ZNF599: variants seen among roughly 807,000 people sequenced by gnomAD.
The protein encoded by ZNF599 is zinc finger protein 599.
A neutral mutation model predicts 11.7 loss-of-function variants in ZNF599; 10 were observed. That is an observed-to-expected ratio of 0.86 (90% CI 0.53 to 1.45). ZNF599 has a LOEUF of 1.45. Ranked by LOEUF, ZNF599 falls within the 40% of genes most tolerant of loss-of-function variation. The probability of loss-of-function intolerance (pLI) is 0.00; values close to 1 mark genes in which losing one functional copy is unlikely to be tolerated. For synonymous variants in ZNF599, 232 were observed against 253.2 expected (o/e 0.92, Z 0.79); for missense variants, 688 against 713.6 (o/e 0.96, Z 0.41).
chr19:34,800,480 T>C, the ZNF599 span, among the ~76,000 whole-genome samples: 1 of 152,178 alleles, frequency 6.6e-6, no homozygotes, highest in African/African-American at 2.4e-5. Flanking sequence ...TACTGACATA[T>C]CTTCAAGCTC....
At chr19:34,769,680 G>A (rs2069169604) in intron 1 of ZNF599, 125 bp from the exon 2 acceptor site, 2 of 1,209,524 alleles carry the variant, frequency 1.7e-6, no homozygotes, top group Non-Finnish European at 2.3e-6. Context: ...AGAACCACTG[G>A]GCTCTGTGGA....
rs1434739988 is a variant in ZNF599 at position 34,758,681 on chromosome 19, T to C, written c.*353A>G. Reference sequence around the variant, plus strand: ...AGATTGTTTCCTCCATCTCTCATTATTTTAAAATATGCTTGAGATGGATTT... The same window carrying C: ...AGATTGTTTCCTCCATCTCTCATTACTTTAAAATATGCTTGAGATGGATTT... On this transcript the variant is annotated 3_prime_UTR_variant, in exon 4 of 4. Coordinates refer to ENST00000329285, the MANE Select transcript of ZNF599 (RefSeq NM_001007248.3). The C allele has an allele frequency of 5.6e-6, 1 of 178,664 alleles. No individual in the cohort carries two copies. The highest frequency in any genetic ancestry group is 2.4e-5 in the African/African-American group (1 of 42,402). The allele number at this position is 178,664 out of a possible 1,614,324, so 11.1% of individuals were successfully genotyped here. A position where few individuals can be genotyped will look rare whatever the true frequency, so the allele number is the denominator to read the frequency against.
At chr19:34,800,026 G>A in the ZNF599 span, among the ~76,000 whole-genome samples, 13 of 152,258 alleles carry the variant, frequency 8.5e-5, 1 homozygote, top group South Asian at 1.7e-3. Context: ...TTATATTCCC[G>A]AATGACATAT....
At chr19:34,805,760 C>T in the ZNF599 span, among the ~76,000 whole-genome samples, 95 of 152,244 alleles carry the variant, frequency 6.2e-4, no homozygotes, top group African/African-American at 2.2e-3. Flanking sequence ...CTCCAGAAAC[C>T]ACCCAACTTC....
At chr19:34,782,792 C>T in the ZNF599 span, among the ~76,000 whole-genome samples, 1 of 152,140 alleles carries the variant, frequency 6.6e-6, no homozygotes, top group African/African-American at 2.4e-5. Context: ...ATGGTATAGG[C>T]GTCTCTGAGC....
At chr19:34,763,511 G>A (rs1446317357) in intron 3 of ZNF599, 6 of 152,086 alleles carry the variant, frequency 3.9e-5, no homozygotes, top group Non-Finnish European at 8.8e-5. Context: ...AAGGCACTGA[G>A]GGAAGGCCAT....
chr19:34,779,382 T>G, the ZNF599 span: 1 of 419,498 alleles, frequency 2.4e-6, no homozygotes, highest in Non-Finnish European at 4.7e-6. Context: ...ATTACAGGTG[T>G]GAGCCATCAT....
chr19:34,788,719 A>T, the ZNF599 span: 1 of 152,174 alleles, frequency 6.6e-6, no homozygotes, highest in Non-Finnish European at 1.5e-5. Context: ...AACGTGACAA[A>T]TATTCCACTG....
rs116889432 is a variant in ZNF599 at position 34,768,824 on chromosome 19, G to C, written c.145+605C>G. Among the ~76,000 whole-genome samples, 611 of 152,218 alleles carry C rather than the reference G, an allele frequency of 4.0e-3. 3 individuals carry two copies. Among genetic ancestry groups the C allele is most frequent in the Admixed American group, 6.0e-3 (91 of 15,294 alleles). On this transcript the variant is annotated intron_variant, in intron 2 of 3. Transcript: ENST00000329285. ...CACTCAACATTCAAGAGACAGGAAA[G>C]AGAAAAGAAAAAAAGAACAGCTTTC...
the ZNF599 span, among the ~76,000 whole-genome samples, chr19:34,783,239 A>G: frequency 2.6e-5 from 4 of 152,358 alleles, no homozygotes; most frequent in East Asian, 1.9e-4. Flanking sequence ...GGGCCATGCC[A>G]CGCCATGCAG....
At chr19:34,769,883 C>G (rs966791404) in intron 1 of ZNF599, among the ~76,000 whole-genome samples, 4 of 152,218 alleles carry the variant, frequency 2.6e-5, no homozygotes, top group Non-Finnish European at 5.9e-5. Context: ...GCAGCTGAGC[C>G]TCACTGGTCT....
Position 34,760,310 on chromosome 19 carries a change from C to T in ZNF599, c.491G>A (p.Gly164Asp), listed in dbSNP as rs1043787066. The T allele has an allele frequency of 1.9e-6, 3 of 1,614,162 alleles. No individual in the cohort carries two copies. The highest frequency in any genetic ancestry group is 1.7e-5 in the Admixed American group (1 of 60,030). The change falls in exon 4 of 4, where the codon GGC becomes GAC. Residue 164 changes from glycine (G) to aspartate (D), a missense_variant. Physicochemically the swap from Gly to Asp is moderately conservative, Grantham distance 94. Coordinates refer to ENST00000329285, the MANE Select transcript of ZNF599 (RefSeq NM_001007248.3). The stretch of plus-strand genomic sequence containing the variant: ...GACTCGTTCCTGTAAAACCCTTAAG[C>T]CCAGACTATCATCTGGCTCCAAATC... ...HDDLEPDDSL[G>D]LRVLQERVTP...
At chr19:34,799,630 G>A in the ZNF599 span, among the ~76,000 whole-genome samples, 1 of 152,190 alleles carries the variant, frequency 6.6e-6, no homozygotes, top group African/African-American at 2.4e-5. Context: ...CCTAATTAAT[G>A]TTAAATTAAA....
the ZNF599 span, among the ~76,000 whole-genome samples, chr19:34,803,154 C>T: frequency 9.9e-5 from 15 of 152,248 alleles, no homozygotes; most frequent in Non-Finnish European, 1.8e-4. Flanking sequence ...TCCCAGTAAG[C>T]CTTTGGGGCA....
In ZNF599 at chr19:34,772,035, T is replaced by C. The variant is rs113684831; in HGVS notation, c.18+789A>G. 4.6e-3 allele frequency among the ~76,000 whole-genome samples: 696 copies of C among 152,260 alleles called. 6 individuals are homozygous for C. The highest frequency in any genetic ancestry group is 0.016 in the African/African-American group (652 of 41,534). On this transcript the variant is annotated intron_variant, in intron 1 of 3. Coordinates refer to ENST00000329285, the MANE Select transcript of ZNF599 (RefSeq NM_001007248.3). ...AACAGACCAGGTGAGGAAAAATGAA[T>C]AGACAACTCCTGAAGGTGATCAGAG...
chr19:34,781,006 A>G, the ZNF599 span, among the ~76,000 whole-genome samples: 5 of 151,948 alleles, frequency 3.3e-5, no homozygotes, highest in Admixed American at 3.3e-4. Flanking sequence ...AATACAAAAA[A>G]TTAGCCGGGC....
chr19:34,805,616 T>C, the ZNF599 span, among the ~76,000 whole-genome samples: 2 of 152,152 alleles, frequency 1.3e-5, no homozygotes, highest in Non-Finnish European at 2.9e-5. Flanking sequence ...TTACTTAGAT[T>C]ATTGCAGTAG....
At chr19:34,775,371 T>G (rs1384674342), upstream of ZNF599, among the ~76,000 whole-genome samples, 2 of 152,168 alleles carry the variant, frequency 1.3e-5, no homozygotes, top group Non-Finnish European at 1.5e-5. Flanking sequence ...ACTGAAAACA[T>G]GTAAGTGAAA....
Position 34,759,906 on chromosome 19 carries a change from T to A in ZNF599, c.895A>T (p.Ile299Phe), listed in dbSNP as rs768333352. The A allele has an allele frequency of 1.7e-5, 28 of 1,614,040 alleles. No homozygotes were observed. The African/African-American group carries it at 3.7e-4, about 22-fold the overall frequency. Residue 299 changes from isoleucine (I) to phenylalanine (F), a missense_variant, in exon 4 of 4, where the codon ATC (isoleucine) becomes TTC (phenylalanine). By Grantham distance (21) the Ile-to-Phe change is conservative. Transcript: ENST00000329285. ...GKAFTHRSSF[I>F]QHNMTHTREK... The stretch of plus-strand genomic sequence containing the variant: ...CGAGTGTGAGTCATATTATGCTGGA[T>A]AAAAGAAGAGCGGTGGGTGAATGCT...
Sources: gnomAD v4.1 joint callset for allele counts (sites outside exome capture counted in the v4.1 genomes callset) on GRCh38, gnomAD v4.1.1 for gene constraint, MANE v1.5 for transcripts, NCBI Gene and HGNC (gene_info 2026-07-23, HGNC 2026-07-21) for gene names.